APBA1: variants seen among roughly 807,000 people sequenced by gnomAD.
APBA1 encodes amyloid beta precursor protein binding family A member 1.
In APBA1, 55 loss-of-function variants were observed where a neutral mutation model predicts 86.6. The observed-to-expected ratio is 0.64, with a 90% confidence interval of 0.51 to 0.80. The LOEUF (loss-of-function observed/expected upper bound fraction) is 0.80, where lower values mean the gene tolerates loss of function less well. Ranked by LOEUF, APBA1 falls within the 30% of genes least tolerant of loss-of-function variation. The probability of loss-of-function intolerance (pLI) is 0.00; values close to 1 mark genes in which losing one functional copy is unlikely to be tolerated. For synonymous variants in APBA1, 511 were observed against 493.9 expected, an observed-to-expected ratio of 1.03 and a Z score of -0.46; for missense variants, 1,090 against 1,183.0, an observed-to-expected ratio of 0.92 and a Z score of 1.15.
chr9:69,499,045 A>G (rs1835842528), intron 2 of APBA1, among the ~76,000 whole-genome samples: 1 of 152,110 alleles, frequency 6.6e-6, no homozygotes, highest in South Asian at 2.1e-4. Context: ...TTCTAAGGTT[A>G]TGCTTCTGAA....
At chr9:69,458,060 G>A in intron 6 of APBA1, 96 bp downstream of exon 6, 1 of 1,246,614 alleles carries the variant, frequency 8.0e-7, no homozygotes, top group Non-Finnish European at 1.1e-6. Context: ...CTTGCTGGAT[G>A]CAGAAAACAA....
At chr9:69,534,230 C>G (rs554349119) in intron 1 of APBA1, among the ~76,000 whole-genome samples, 1 of 152,270 alleles carries the variant, frequency 6.6e-6, no homozygotes, top group African/African-American at 2.4e-5. Context: ...TATTTGGATA[C>G]AGAGTGTGGC....
At chr9:69,434,904 C>A (rs936470885) in intron 11 of APBA1, among the ~76,000 whole-genome samples, 1 of 150,892 alleles carries the variant, frequency 6.6e-6, no homozygotes, top group Non-Finnish European at 1.5e-5. Context: ...ATTAACTCGT[C>A]ATTTAGCATT....
At chr9:69,456,144 G>A in intron 8 of APBA1, 103 bp downstream of exon 8, 3 of 1,266,626 alleles carry the variant, frequency 2.4e-6, no homozygotes, top group African/African-American at 1.5e-5. Context: ...CACAGTACGT[G>A]CACAATAAAT....
intron 11 of APBA1, among the ~76,000 whole-genome samples, chr9:69,439,444 T>G (rs1013752664): frequency 3.3e-5 from 5 of 152,174 alleles, no homozygotes; most frequent in African/African-American, 1.2e-4. Context: ...TCTTTTCACA[T>G]AGTCCCATAT....
intron 1 of APBA1, among the ~76,000 whole-genome samples, chr9:69,658,964 T>C (rs958800541): frequency 2.0e-5 from 3 of 152,168 alleles, no homozygotes; most frequent in African/African-American, 4.8e-5. Context: ...AGGATCAGGC[T>C]GAAGCCCCTC....
intron 2 of APBA1, among the ~76,000 whole-genome samples, chr9:69,505,154 G>C (rs1039878214): frequency 6.6e-6 from 1 of 152,092 alleles, no homozygotes; most frequent in African/African-American, 2.4e-5. Context: ...AAATGATAAA[G>C]GTTGATTCCT....
At chr9:69,588,717 T>C (rs942771982) in intron 1 of APBA1, among the ~76,000 whole-genome samples, 6 of 152,194 alleles carry the variant, frequency 3.9e-5, no homozygotes, top group African/African-American at 1.4e-4. Context: ...GCAACTAATA[T>C]TAACTGAGTA....
intron 1 of APBA1, among the ~76,000 whole-genome samples, chr9:69,623,046 C>T (rs1822852447): frequency 6.6e-6 from 1 of 152,126 alleles, no homozygotes; most frequent in Non-Finnish European, 1.5e-5. Context: ...CCAGGGGTCC[C>T]ACTAGAAAGA....
At chr9:69,458,577 G>A (rs1262844998) in intron 5 of APBA1, among the ~76,000 whole-genome samples, 1 of 152,132 alleles carries the variant, frequency 6.6e-6, no homozygotes. Context: ...AGCTTCCTGA[G>A]ATAAAAACTT....
rs933269975 is a variant in APBA1, at chr9:69,428,670, G to A, written c.*2657C>T. Reference sequence around the variant, plus strand: ...TTACATGTATAACTATATATACTGGGATGACAGAAGGGAAGACCACCACTT... The same window carrying A: ...TTACATGTATAACTATATATACTGGAATGACAGAAGGGAAGACCACCACTT... On this transcript the variant is annotated 3_prime_UTR_variant, in exon 13 of 13. Transcript: ENST00000265381. The A allele has an allele frequency of 6.6e-6, 1 of 152,216 alleles. No homozygotes were observed. Among genetic ancestry groups the A allele is most frequent in the African/African-American group, 2.4e-5 (1 of 41,450 alleles). The allele number at this position is 152,216 out of a possible 1,614,324, so 9.4% of individuals were successfully genotyped here.
chr9:69,662,380 TTA>T lies in APBA1; in HGVS notation c.-70+9771_-70+9772del, dbSNP rs1328445465. 2.6e-5 allele frequency among the ~76,000 whole-genome samples: 4 copies of T among 152,344 alleles called. No individual in the cohort carries two copies. The East Asian group carries it at 7.7e-4, about 29-fold the overall frequency. ...ATGCCTGACACTTTGTAACTTGTTTTTAGTCACTGGATGGGGAATCTGCTGAG... is the reference window on the plus strand; with the variant it reads ...ATGCCTGACACTTTGTAACTTGTTTTGTCACTGGATGGGGAATCTGCTGAG... On this transcript the variant is annotated intron_variant, in intron 1 of 12. Transcript: ENST00000265381.
intron 10 of APBA1, among the ~76,000 whole-genome samples, chr9:69,443,787 G>A (rs749570099): frequency 3.9e-5 from 6 of 152,048 alleles, no homozygotes; most frequent in African/African-American, 1.5e-4. Flanking sequence ...CATTCAAAAC[G>A]CACAGTATTT....
chr9:69,602,657 A>G (rs558827879), intron 1 of APBA1, among the ~76,000 whole-genome samples: 1 of 151,934 alleles, frequency 6.6e-6, no homozygotes, highest in South Asian at 2.1e-4. Flanking sequence ...ACCCCAGCAA[A>G]AACTAATCTA....
intron 9 of APBA1, among the ~76,000 whole-genome samples, chr9:69,450,520 A>G (rs1051652029): frequency 6.6e-6 from 1 of 152,152 alleles, no homozygotes; most frequent in African/African-American, 2.4e-5. Flanking sequence ...GGGGCTTGAC[A>G]AAGTCCCCTT....
chr9:69,563,561 T>C (rs760333554), intron 1 of APBA1, among the ~76,000 whole-genome samples: 25 of 152,324 alleles, frequency 1.6e-4, no homozygotes, highest in Non-Finnish European at 2.9e-4. Context: ...ATACAACCCA[T>C]ATATTAATCT....
intron 4 of APBA1, among the ~76,000 whole-genome samples, chr9:69,471,396 T>C (rs1005336866): frequency 2.0e-5 from 3 of 152,204 alleles, no homozygotes; most frequent in Non-Finnish European, 2.9e-5. Context: ...CTAAGCTGCA[T>C]GACACTGGGT....
At position 69,430,730 on chromosome 9, in the gene APBA1, G is replaced by C. The variant is rs749024207; in HGVS notation, c.*597C>G. The C allele has an allele frequency of 6.6e-6, 1 of 152,520 alleles. No homozygotes were observed. The highest frequency in any genetic ancestry group is 2.4e-5 in the African/African-American group (1 of 41,414). The allele number at this position is 152,520 out of a possible 1,614,324, so 9.4% of individuals were successfully genotyped here. A position where few individuals can be genotyped will look rare whatever the true frequency, so the allele number is the denominator to read the frequency against. ...CTTTTATCCTGGGGTGAGAAGGCTC[G>C]TATTAGAAAACACACATACGTTGAA... On this transcript the variant is annotated 3_prime_UTR_variant, in exon 13 of 13. Coordinates refer to ENST00000265381, the MANE Select transcript of APBA1 (RefSeq NM_001163.4).
At chr9:69,590,931 T>C (rs769117883) in intron 1 of APBA1, among the ~76,000 whole-genome samples, 2 of 152,212 alleles carry the variant, frequency 1.3e-5, no homozygotes, top group Admixed American at 6.5e-5. Context: ...AGAAAGCTAA[T>C]GGCTTTCTGC....
Sources: allele counts gnomAD v4.1 joint callset (sites outside exome capture counted in the v4.1 genomes callset), GRCh38; gene constraint gnomAD v4.1.1; transcripts MANE v1.5; gene names NCBI Gene and HGNC (gene_info 2026-07-23, HGNC 2026-07-21).